The following RAPH1 variants were observed in gnomAD, a reference collection of about 807,000 sequenced individuals.
RAPH1 encodes the protein Ras association (RalGDS/AF-6) and pleckstrin homology domains 1.
A neutral mutation model predicts 88.1 loss-of-function variants in RAPH1; 18 were observed. The observed-to-expected ratio is 0.20, with a 90% CI of 0.14 to 0.30. The LOEUF is 0.30. Among genes scored for constraint, RAPH1 ranks in the 10% least tolerant of loss-of-function variants. The probability of loss-of-function intolerance (pLI) is 1.00; values close to 1 mark genes in which losing one functional copy is unlikely to be tolerated. For synonymous variants in RAPH1, 587 were observed against 559.0 expected (o/e 1.05, Z -0.71); for missense variants, 1,448 against 1,543.2 (o/e 0.94, Z 1.03).
intron 1 of RAPH1, among the ~76,000 whole-genome samples, chr2:203,496,369 T>TA (rs1553628362): frequency 4.0e-5 from 6 of 151,254 alleles, no homozygotes; most frequent in African/African-American, 1.2e-4. Context: ...AAAAAATAAA[T>TA]AAATAAAATA....
chr2:203,440,395 G>A lies in RAPH1; in HGVS notation c.2795C>T (p.Pro932Leu), dbSNP rs1240701762. ...ESSLVFPPPP[P>L]SPVPAPPPPP... ...TGGTGGTGGGGCTGGGACAGGTGAT[G>A]GGGGTGGAGGAGGAAACACCAGGCT... The change falls in exon 14 of 14, where the codon CCA becomes CTA. Residue 932 changes from proline (P) to leucine (L), a missense_variant. By Grantham distance (98) the Pro-to-Leu change is moderately conservative. Coordinates refer to ENST00000319170, the MANE Select transcript of RAPH1 (RefSeq NM_213589.3). 1.9e-6 allele frequency: 3 copies of A among 1,571,064 alleles called. No homozygotes were observed. The highest frequency in any genetic ancestry group is 3.4e-4 in the Middle Eastern group (2 of 5,810).
intron 4 of RAPH1, chr2:203,470,382 T>A: frequency 1.0e-6 from 1 of 977,302 alleles, no homozygotes; most frequent in Non-Finnish European, 1.6e-6. Flanking sequence ...TTTATGTGTT[T>A]AAAACATAAA....
chr2:203,507,277 T>G (rs1208201941), intron 1 of RAPH1, among the ~76,000 whole-genome samples: 1 of 151,948 alleles, frequency 6.6e-6, no homozygotes, highest in African/African-American at 2.4e-5. Flanking sequence ...AACTACTTAA[T>G]GTAGATGAAA....
At chr2:203,507,545 T>G (rs967866549) in intron 1 of RAPH1, among the ~76,000 whole-genome samples, 3 of 152,198 alleles carry the variant, frequency 2.0e-5, no homozygotes. Context: ...GTTCCAGTTA[T>G]AATGCATTGG....
intron 4 of RAPH1, among the ~76,000 whole-genome samples, chr2:203,467,000 C>G (rs2153644755): frequency 6.6e-6 from 1 of 152,184 alleles, no homozygotes; most frequent in Middle Eastern, 3.4e-3. Context: ...AATTAAGGGG[C>G]TAAACAGTGG....
In RAPH1 at chr2:203,437,452, A is replaced by G. The variant is rs959226852; in HGVS notation, c.*1985T>C. On this transcript the variant is annotated 3_prime_UTR_variant, in exon 14 of 14. Coordinates refer to ENST00000319170, the MANE Select transcript of RAPH1 (RefSeq NM_213589.3). The stretch of plus-strand genomic sequence containing the variant: ...TCATGAATCACAGTAGCGCTTGGCA[A>G]TCTACTCAAACATTACCCAAATTTC... The G allele has an allele frequency of 3.9e-5, 6 of 152,248 alleles. No homozygotes were observed. The highest frequency in any genetic ancestry group is 9.6e-5 in the African/African-American group (4 of 41,460). The allele number at this position is 152,248 out of a possible 1,614,324, so 9.4% of individuals were successfully genotyped here.
intron 4 of RAPH1, among the ~76,000 whole-genome samples, chr2:203,485,525 C>T (rs1013016707): frequency 6.6e-6 from 1 of 151,966 alleles, no homozygotes; most frequent in African/African-American, 2.4e-5. Flanking sequence ...ATACACTCAC[C>T]AACAGGGGTC....
At chr2:203,460,497 T>C (rs2153641225) in intron 6 of RAPH1, among the ~76,000 whole-genome samples, 1 of 152,338 alleles carries the variant, frequency 6.6e-6, no homozygotes, top group East Asian at 1.9e-4. Context: ...ATGTCCTGTA[T>C]ACTGAACATA....
At chr2:203,503,552 G>A (rs1688840784) in intron 1 of RAPH1, among the ~76,000 whole-genome samples, 1 of 152,102 alleles carries the variant, frequency 6.6e-6, no homozygotes, top group Non-Finnish European at 1.5e-5. Flanking sequence ...AGGAATTCTG[G>A]GAGATACAAT....
chr2:203,444,694 A>T lies in RAPH1; in HGVS notation c.1776+174T>A, dbSNP rs1368602859. ...ATACTCATTTCCAAGGGGAAGTCAA[A>T]TCAACAGGTCTCTCTGAACTGTCTT... On this transcript the variant is annotated intron_variant, in intron 13 of 13. Coordinates refer to ENST00000319170, the MANE Select transcript of RAPH1 (RefSeq NM_213589.3). 8.4e-6 allele frequency: 4 copies of T among 474,674 alleles called. No homozygotes were observed. In the East Asian group the frequency reaches 1.3e-4, roughly 16 times the overall value. The allele number at this position is 474,674 out of a possible 1,614,324, so 29.4% of individuals were successfully genotyped here.
At chr2:203,456,706 C>T (rs2098519859) in intron 8 of RAPH1, among the ~76,000 whole-genome samples, 5 of 152,186 alleles carry the variant, frequency 3.3e-5, no homozygotes, top group East Asian at 3.9e-4. Flanking sequence ...TGTTGATCTT[C>T]GCTTCCTAAT....
intron 4 of RAPH1, among the ~76,000 whole-genome samples, chr2:203,482,180 C>T (rs1376399589): frequency 2.0e-5 from 3 of 152,060 alleles, no homozygotes; most frequent in Admixed American, 2.0e-4. Context: ...ATACCTATTC[C>T]TTTATTTTAT....
At chr2:203,526,004 A>ATGTTC (rs1690098517) in intron 1 of RAPH1, among the ~76,000 whole-genome samples, 1 of 149,810 alleles carries the variant, frequency 6.7e-6, no homozygotes, top group Admixed American at 6.6e-5. Context: ...TCCGAAAAAA[A>ATGTTC]ATACTATGGA....
chr2:203,449,002 A>G (rs2098512441), intron 10 of RAPH1, among the ~76,000 whole-genome samples, 166 bp from the exon 11 acceptor site: 1 of 152,250 alleles, frequency 6.6e-6, no homozygotes, highest in African/African-American at 2.4e-5. Flanking sequence ...AGCCCATAAG[A>G]ATTTTTACAA....
intron 6 of RAPH1, 103 bp downstream of exon 6, chr2:203,461,146 C>CAT (rs149163611): frequency 3.6e-3 from 1,673 of 469,954 alleles, no homozygotes; most frequent in Middle Eastern, 5.6e-3. Context: ...AAAATAAAAA[C>CAT]ATATATATAT....
intron 4 of RAPH1, among the ~76,000 whole-genome samples, chr2:203,465,740 A>G (rs892817407): frequency 5.9e-5 from 9 of 152,152 alleles, no homozygotes; most frequent in African/African-American, 2.2e-4. Flanking sequence ...AGCTGGGTGC[A>G]GTGGTGGGCG....
intron 1 of RAPH1, among the ~76,000 whole-genome samples, chr2:203,515,988 T>C (rs114458481): frequency 1.4e-3 from 207 of 152,328 alleles, no homozygotes; most frequent in African/African-American, 4.8e-3. Flanking sequence ...TCTTAATTGA[T>C]CTAAAGATAA....
At position 203,438,803 on chromosome 2, in the gene RAPH1, C is replaced by T. The variant is rs959118462; in HGVS notation, c.*634G>A. 1 of 154,394 alleles carries T rather than the reference C, an allele frequency of 6.5e-6. No homozygotes were observed. Among genetic ancestry groups the T allele is most frequent in the Non-Finnish European group, 1.4e-5 (1 of 69,454 alleles). The allele number at this position is 154,394 out of a possible 1,614,324, so 9.6% of individuals were successfully genotyped here. The stretch of plus-strand genomic sequence containing the variant: ...TGATGTCTGTGAACATTTCCCCATC[C>T]TGCACTAGTTACCCGTTCTATGAAG... On this transcript the variant is annotated 3_prime_UTR_variant, in exon 14 of 14. Transcript: ENST00000319170.
chr2:203,505,449 C>CT (rs1553630059), intron 1 of RAPH1, among the ~76,000 whole-genome samples: 22 of 152,024 alleles, frequency 1.4e-4, no homozygotes, highest in Non-Finnish European at 2.5e-4. Flanking sequence ...TTACCCCCCC[C>CT]GGGTCCCTCC....
Sources: gnomAD v4.1 joint callset for allele counts (sites outside exome capture counted in the v4.1 genomes callset) on GRCh38, gnomAD v4.1.1 for gene constraint, MANE v1.5 for transcripts, NCBI Gene and HGNC (gene_info 2026-07-23, HGNC 2026-07-21) for gene names.